Variants in LRMDA observed in about 807,000 individuals in gnomAD.
LRMDA encodes the protein leucine rich melanocyte differentiation associated.
LRMDA carries 18 observed loss-of-function variants against 29.8 expected under a neutral mutation model. That is an observed-to-expected ratio of 0.60 (90% confidence interval 0.42 to 0.90). LRMDA has a LOEUF of 0.90. LRMDA is among the 40% of genes least tolerant of loss of function. The pLI, the probability that LRMDA is intolerant of heterozygous loss-of-function variation, is 0.00. For synonymous variants in LRMDA, 125 were observed against 109.4 expected, an observed-to-expected ratio of 1.14 and a Z score of -0.89; for missense variants, 273 against 273.9, an observed-to-expected ratio of 1.00 and a Z score of 0.02.
intron 6 of LRMDA, among the ~76,000 whole-genome samples, chr10:76,411,269 G>A (rs562631463): frequency 3.9e-5 from 6 of 152,292 alleles, no homozygotes; most frequent in South Asian, 2.1e-4. Context: ...TTGGAGATGC[G>A]TAAAGGGCAC....
At chr10:75,795,056 A>G (rs1181100015) in intron 2 of LRMDA, among the ~76,000 whole-genome samples, 2 of 150,962 alleles carry the variant, frequency 1.3e-5, no homozygotes, top group Middle Eastern at 6.8e-3. Flanking sequence ...TTTTATGTTT[A>G]GGTCTTTGAT....
rs137998089 is a variant in LRMDA at position 76,356,140 on chromosome 10, A to G, written c.601+31655A>G. Reference sequence around the variant, plus strand: ...GTTCATTTCTTTGAGGACAGGTATAACTGGACAATTGCAAAGTGTTTTAGA... The same window carrying G: ...GTTCATTTCTTTGAGGACAGGTATAGCTGGACAATTGCAAAGTGTTTTAGA... On this transcript the variant is annotated intron_variant, in intron 6 of 6. Coordinates refer to ENST00000611255, the MANE Select transcript of LRMDA (RefSeq NM_001305581.2). Among the ~76,000 whole-genome samples the G allele has an allele frequency of 2.9e-3, 446 of 152,336 alleles. 2 individuals are homozygous for G. The highest frequency in any genetic ancestry group is 5.2e-3 in the Non-Finnish European group (354 of 68,020).
At chr10:76,494,614 T>A (rs930805909) in intron 6 of LRMDA, among the ~76,000 whole-genome samples, 2 of 151,758 alleles carry the variant, frequency 1.3e-5, no homozygotes, top group African/African-American at 4.8e-5. Flanking sequence ...CTATTATGGA[T>A]CTTTGTTCTT....
rs1218743181 is a variant in LRMDA at position 76,363,276 on chromosome 10, A to AAGGAAGGAAGGAAGGAAGGAAAGGAAGG, written c.601+38792_601+38793insGGAAGGAAGGAAGGAAGGAAAGGAAGGA. On this transcript the variant is annotated intron_variant, in intron 6 of 6. Transcript: ENST00000611255. The stretch of plus-strand genomic sequence containing the variant: ...GAAAGAAGGAAGGAAGGAAGGAAGG[A>AAGGAAGGAAGGAAGGAAGGAAAGGAAGG]AAGGAAGGAAGGAAGGAAGGAAGGG... Among the ~76,000 whole-genome samples the AAGGAAGGAAGGAAGGAAGGAAAGGAAGG allele has an allele frequency of 5.1e-5, 3 of 58,804 alleles. 1 individual carries two copies. Among genetic ancestry groups the AAGGAAGGAAGGAAGGAAGGAAAGGAAGG allele is most frequent in the African/African-American group, 2.6e-4 (3 of 11,730 alleles). The allele number at this position is 58,804 out of a possible 152,430, so 38.6% of individuals were successfully genotyped here. A position where few individuals can be genotyped will look rare whatever the true frequency, so the allele number is the denominator to read the frequency against.
intron 2 of LRMDA, among the ~76,000 whole-genome samples, chr10:75,908,214 G>A (rs1554833507): frequency 2.0e-5 from 3 of 152,232 alleles, no homozygotes; most frequent in Non-Finnish European, 2.9e-5. Flanking sequence ...GCGCAGAGAA[G>A]TTTTTTGATT....
chr10:76,201,398 T>C (rs1163714532), intron 5 of LRMDA, among the ~76,000 whole-genome samples: 2 of 152,194 alleles, frequency 1.3e-5, no homozygotes, highest in African/African-American at 4.8e-5. Context: ...GGAGTGGCCC[T>C]ATATTATTAT....
intron 2 of LRMDA, among the ~76,000 whole-genome samples, chr10:75,786,428 C>T (rs1843473738): frequency 6.6e-6 from 1 of 152,160 alleles, no homozygotes; most frequent in African/African-American, 2.4e-5. Flanking sequence ...CATTTTCAAG[C>T]TTAATACTCA....
chr10:76,501,818 C>T (rs79730635), intron 6 of LRMDA, among the ~76,000 whole-genome samples: 2 of 151,892 alleles, frequency 1.3e-5, no homozygotes, highest in East Asian at 3.9e-4. Context: ...AGTTTGTTTG[C>T]TCTATTGATA....
chr10:75,732,575 G>A (rs1021954415), intron 2 of LRMDA, among the ~76,000 whole-genome samples: 4 of 152,156 alleles, frequency 2.6e-5, no homozygotes, highest in African/African-American at 9.7e-5. Context: ...CCTCCCCTGG[G>A]TTCTTGACCA....
At chr10:75,677,076 T>G (rs1841968674) in intron 2 of LRMDA, among the ~76,000 whole-genome samples, 1 of 152,208 alleles carries the variant, frequency 6.6e-6, no homozygotes, top group Admixed American at 6.5e-5. Context: ...AAGTGCTATC[T>G]CTGGACTGCA....
chr10:76,248,911 A>C (rs887100138), intron 5 of LRMDA, among the ~76,000 whole-genome samples: 4 of 152,190 alleles, frequency 2.6e-5, no homozygotes, highest in African/African-American at 7.2e-5. Context: ...TGAAATGCTA[A>C]ATGCCTTTCT....
chr10:75,794,937 T>A (rs896977937), intron 2 of LRMDA, among the ~76,000 whole-genome samples: 1 of 123,170 alleles, frequency 8.1e-6, no homozygotes, highest in African/African-American at 2.5e-5. Flanking sequence ...GATAAATACC[T>A]ATTTATCATT....
chr10:75,785,295 T>C (rs1376754829), intron 2 of LRMDA, among the ~76,000 whole-genome samples: 3 of 152,164 alleles, frequency 2.0e-5, no homozygotes, highest in Admixed American at 6.5e-5. Context: ...CAGAAGACAA[T>C]TCCAGATAAA....
At chr10:76,299,973 T>C (rs1336170364) in intron 5 of LRMDA, among the ~76,000 whole-genome samples, 1 of 152,108 alleles carries the variant, frequency 6.6e-6, no homozygotes, top group Admixed American at 6.6e-5. Context: ...CAACCCAATC[T>C]CTAAAGAAAT....
intron 6 of LRMDA, among the ~76,000 whole-genome samples, chr10:76,525,046 A>G (rs1190927014): frequency 6.6e-6 from 1 of 152,202 alleles, no homozygotes; most frequent in Non-Finnish European, 1.5e-5. Context: ...CTGAGGGCAC[A>G]TTCAATGGCA....
At chr10:76,197,607 A>G (rs1165721832) in intron 5 of LRMDA, among the ~76,000 whole-genome samples, 2 of 152,142 alleles carry the variant, frequency 1.3e-5, no homozygotes, top group Non-Finnish European at 2.9e-5. Flanking sequence ...CTTCCACAAT[A>G]AAGAATTAGC....
At chr10:75,830,707 T>C (rs1279946354) in intron 2 of LRMDA, among the ~76,000 whole-genome samples, 1 of 151,968 alleles carries the variant, frequency 6.6e-6, no homozygotes, top group African/African-American at 2.4e-5. Context: ...CTACAAGAGA[T>C]TTGGGTGGGG....
Position 76,276,006 on chromosome 10 carries a change from A to AATCTATCTATCT in LRMDA, c.517-48358_517-48347dup, listed in dbSNP as rs3066426. Among the ~76,000 whole-genome samples, 662 of 146,826 alleles carry AATCTATCTATCT rather than the reference A, an allele frequency of 4.5e-3. 5 individuals carry two copies. The highest frequency in any genetic ancestry group is 7.1e-3 in the Middle Eastern group (2 of 280). ...ATTCTGTTATTGAGACAATCTAGTG[A>AATCTATCTATCT]ATCTATCTATCTATCTATCTATCTA... On this transcript the variant is annotated intron_variant, in intron 5 of 6. Coordinates refer to ENST00000611255, the MANE Select transcript of LRMDA (RefSeq NM_001305581.2).
At chr10:76,479,927 A>C (rs1375448599) in intron 6 of LRMDA, among the ~76,000 whole-genome samples, 1 of 151,998 alleles carries the variant, frequency 6.6e-6, no homozygotes. Context: ...TTTGTTAAGA[A>C]ATTGCCAACT....
Sources: allele counts gnomAD v4.1 joint callset (sites outside exome capture counted in the v4.1 genomes callset), GRCh38; gene constraint gnomAD v4.1.1; transcripts MANE v1.5; gene names NCBI Gene and HGNC (gene_info 2026-07-23, HGNC 2026-07-21).